Variants in KATNAL2 observed in about 807,000 individuals in gnomAD.
The protein encoded by KATNAL2 is katanin p60 ATPase-containing subunit A-like 2.
In KATNAL2, 52 loss-of-function variants were observed where a neutral mutation model predicts 76.3. That is an observed-to-expected ratio of 0.68 (90% CI 0.55 to 0.86). KATNAL2 has a LOEUF of 0.86. Among genes scored for constraint, KATNAL2 ranks in the 40% least tolerant of loss-of-function variants. KATNAL2 has a pLI of 0.00. For missense variants in KATNAL2, 660 were observed against 668.9 expected (o/e 0.99, Z 0.15); for synonymous variants, 243 against 244.2 (o/e 1.00, Z 0.05).
chr18:46,929,410 T>C (rs1047487912), intron 1 of KATNAL2, among the ~76,000 whole-genome samples: 7 of 151,620 alleles, frequency 4.6e-5, no homozygotes, highest in Non-Finnish European at 1.0e-4. Context: ...GCCCAGCAAA[T>C]TGTTGTATTT....
chr18:46,918,283 T>C (rs779203643), intron 1 of KATNAL2, among the ~76,000 whole-genome samples: 13 of 151,874 alleles, frequency 8.6e-5, no homozygotes, highest in Non-Finnish European at 1.6e-4. Context: ...GTGTCCAGGG[T>C]TCAATTTCCT....
intron 15 of KATNAL2, among the ~76,000 whole-genome samples, chr18:47,093,111 C>G (rs1568023393): frequency 6.6e-6 from 1 of 152,096 alleles, no homozygotes; most frequent in African/African-American, 2.4e-5. Flanking sequence ...TCTTTGTTCT[C>G]CAGGTTTTGA....
chr18:47,070,573 G>A (rs1381263970), intron 13 of KATNAL2, among the ~76,000 whole-genome samples: 11 of 152,018 alleles, frequency 7.2e-5, no homozygotes, highest in Non-Finnish European at 1.2e-4. Context: ...AAACTATCAC[G>A]CTCTGTAGAA....
chr18:47,045,437 T>C (rs2061127170), intron 3 of KATNAL2, among the ~76,000 whole-genome samples: 1 of 151,892 alleles, frequency 6.6e-6, no homozygotes, highest in Non-Finnish European at 1.5e-5. Flanking sequence ...GTGGTTCTCA[T>C]GCCTCAGCCT....
intron 8 of KATNAL2, among the ~76,000 whole-genome samples, chr18:47,060,720 GA>G (rs1302381408): frequency 6.6e-6 from 1 of 152,144 alleles, no homozygotes; most frequent in African/African-American, 2.4e-5. Flanking sequence ...TTGGAGGGGT[GA>G]CTGGAGCATA....
chr18:47,065,526 A>G (rs9960078), intron 10 of KATNAL2, among the ~76,000 whole-genome samples: 87,615 of 151,754 alleles, frequency 0.58, 25,267 homozygotes, highest in Middle Eastern at 0.6. Flanking sequence ...CCCATTAGCT[A>G]GGCATGGTGG....
rs1277923212 is a variant in KATNAL2, at chr18:46,961,799, TG to T, written c.51+14877del. ...AGTCTATTTTGATAAATGGCATTTT[TG>T]ATTTGGGCTTTCTGCTAGGTAAAAA... On this transcript the variant is annotated intron_variant, in intron 3 of 17. Transcript: ENST00000683218. Among the ~76,000 whole-genome samples, 1,037 of 152,306 alleles carry T rather than the reference TG, an allele frequency of 6.8e-3. 7 individuals are homozygous for T. The highest frequency in any genetic ancestry group is 9.4e-3 in the Non-Finnish European group (639 of 68,032).
intron 1 of KATNAL2, among the ~76,000 whole-genome samples, chr18:46,940,431 GCT>G (rs958250472): frequency 5.3e-5 from 8 of 152,030 alleles, no homozygotes; most frequent in South Asian, 4.2e-4. Context: ...TGATTAAAAC[GCT>G]CTCTCTCTCT....
intron 11 of KATNAL2, among the ~76,000 whole-genome samples, chr18:47,067,991 C>T (rs201823671): frequency 6.6e-6 from 1 of 152,188 alleles, no homozygotes; most frequent in East Asian, 1.9e-4. Flanking sequence ...GCAGGAAAGT[C>T]CAGTCCTGCT....
At chr18:46,939,248 T>C (rs1361230799) in intron 1 of KATNAL2, among the ~76,000 whole-genome samples, 1 of 151,548 alleles carries the variant, frequency 6.6e-6, no homozygotes, top group Non-Finnish European at 1.5e-5. Flanking sequence ...GCAGGAGAAT[T>C]GTTGAACCCG....
At chr18:47,066,993 T>TA (rs753727208) in intron 10 of KATNAL2, 28 bp from the exon 11 acceptor site, 10 of 1,403,232 alleles carry the variant, frequency 7.1e-6, no homozygotes, top group East Asian at 7.0e-5. Context: ...ACATCAGTTT[T>TA]AAAAAAATGA....
intron 15 of KATNAL2, among the ~76,000 whole-genome samples, chr18:47,085,803 T>C (rs1355401032): frequency 3.9e-5 from 6 of 152,130 alleles, no homozygotes; most frequent in Admixed American, 3.3e-4. Flanking sequence ...AATAAATAAA[T>C]AAAAGATACT....
intron 3 of KATNAL2, among the ~76,000 whole-genome samples, chr18:46,955,509 A>G (rs1305377833): frequency 9.3e-5 from 14 of 150,628 alleles, no homozygotes; most frequent in Admixed American, 9.3e-4. Context: ...CAGGCGTTCT[A>G]CCGCGCCTGA....
In KATNAL2 at chr18:47,077,479, T is replaced by C. The variant is rs755055857; in HGVS notation, c.1211+18T>C. 5.1e-6 allele frequency: 8 copies of C among 1,571,166 alleles called. No homozygotes were observed. The highest frequency in any genetic ancestry group is 1.4e-5 in the African/African-American group (1 of 74,030). ...CTGCCGTGGTAAGAGACCAAGAGAG[T>C]AAATTTTGAATACATTTTCAGGAGT... On this transcript the variant is annotated intron_variant, in intron 15 of 17. Transcript: ENST00000683218.
intron 1 of KATNAL2, among the ~76,000 whole-genome samples, chr18:46,934,309 G>A (rs9748793): frequency 0.013 from 1,954 of 152,276 alleles, 39 homozygotes; most frequent in African/African-American, 0.045. Flanking sequence ...TCCAGCACCT[G>A]TTGTCTCCTG....
At chr18:47,071,590 C>T (rs1045124557) in intron 13 of KATNAL2, among the ~76,000 whole-genome samples, 1 of 151,954 alleles carries the variant, frequency 6.6e-6, no homozygotes, top group Non-Finnish European at 1.5e-5. Flanking sequence ...GGTTCATCTC[C>T]TGTCATGAAA....
intron 1 of KATNAL2, among the ~76,000 whole-genome samples, chr18:46,932,321 G>C (rs1351795295): frequency 6.6e-6 from 1 of 152,050 alleles, no homozygotes; most frequent in Non-Finnish European, 1.5e-5. Context: ...AGAATAAATA[G>C]TTTCCTTCCA....
chr18:46,953,753 T>C (rs1012636119), intron 3 of KATNAL2, among the ~76,000 whole-genome samples: 2 of 116,710 alleles, frequency 1.7e-5, no homozygotes, highest in Non-Finnish European at 3.7e-5. Flanking sequence ...GGAGACCCCG[T>C]CTCAAAAAAA....
At chr18:46,952,393 G>GTTTTTTTTTTT (rs35596537) in intron 3 of KATNAL2, among the ~76,000 whole-genome samples, 3 of 64,408 alleles carry the variant, frequency 4.7e-5, no homozygotes, top group Admixed American at 2.6e-4. Flanking sequence ...CTGCAGGTAT[G>GTTTTTTTTTTT]TTTTTTTTTT....
Sources: gnomAD v4.1 joint callset for allele counts (sites outside exome capture counted in the v4.1 genomes callset) on GRCh38, gnomAD v4.1.1 for gene constraint, MANE v1.5 for transcripts, NCBI Gene and HGNC (gene_info 2026-07-23, HGNC 2026-07-21) for gene names.